Variants in ADGRV1 observed in about 807,000 individuals in gnomAD.
The protein encoded by ADGRV1 is G-protein coupled receptor 98.
Under a neutral mutation model 596.2 loss-of-function variants are expected in ADGRV1, and 359 were observed. The ratio of observed to expected loss-of-function variants is 0.60; its 90% CI spans 0.55 to 0.66. The LOEUF is 0.66. Among genes scored for constraint, ADGRV1 ranks in the 30% least tolerant of loss-of-function variants. The pLI is 0.00. For synonymous variants in ADGRV1, 2,681 were observed against 2,679.2 expected (o/e 1.00, Z -0.02); for missense variants, 7,274 against 7,575.6 (o/e 0.96, Z 1.48).
chr5:90,729,137 A>G (rs564559424), intron 49 of ADGRV1, among the ~76,000 whole-genome samples: 1 of 152,324 alleles, frequency 6.6e-6, no homozygotes, highest in African/African-American at 2.4e-5. Context: ...TGTTCTGACT[A>G]CTACCTGAAA....
chr5:90,595,201 C>A (rs1420345961), intron 1 of ADGRV1, among the ~76,000 whole-genome samples: 1 of 63,714 alleles, frequency 1.6e-5, no homozygotes, highest in Admixed American at 1.1e-4. Flanking sequence ...GGCGGCTGGC[C>A]GGGCGGGGGG....
At chr5:90,904,524 C>T (rs559914986) in intron 83 of ADGRV1, among the ~76,000 whole-genome samples, 14 of 152,048 alleles carry the variant, frequency 9.2e-5, no homozygotes, top group Non-Finnish European at 2.1e-4. Flanking sequence ...TGATATTGAG[C>T]ACCTTTTCAT....
At chr5:90,663,963 T>C (rs1770851512) in intron 21 of ADGRV1, among the ~76,000 whole-genome samples, 1 of 148,410 alleles carries the variant, frequency 6.7e-6, no homozygotes, top group East Asian at 2.0e-4. Context: ...TTCTGTTCCA[T>C]TGATCTATAT....
intron 84 of ADGRV1, among the ~76,000 whole-genome samples, chr5:90,971,853 A>G (rs1371882689): frequency 3.9e-5 from 6 of 152,254 alleles, no homozygotes; most frequent in African/African-American, 1.4e-4. Context: ...ACATAACAAT[A>G]TTAACCTTAA....
At chr5:90,735,195 G>T (rs1354736835) in intron 50 of ADGRV1, among the ~76,000 whole-genome samples, 1 of 152,124 alleles carries the variant, frequency 6.6e-6, no homozygotes, top group African/African-American at 2.4e-5. Context: ...TATGTATTTG[G>T]TATGAAATAA....
intron 89 of ADGRV1, among the ~76,000 whole-genome samples, chr5:91,161,728 A>T (rs1398848329): frequency 6.6e-6 from 1 of 151,944 alleles, no homozygotes; most frequent in Non-Finnish European, 1.5e-5. Flanking sequence ...TTATCATCAA[A>T]ACCTGGGCAG....
At chr5:90,563,474 G>T (rs1580274036) in intron 1 of ADGRV1, among the ~76,000 whole-genome samples, 1 of 152,200 alleles carries the variant, frequency 6.6e-6, no homozygotes, top group Non-Finnish European at 1.5e-5. Flanking sequence ...GCAAATAAGG[G>T]GATGACTGTA....
intron 85 of ADGRV1, among the ~76,000 whole-genome samples, chr5:91,056,736 C>T (rs1022690244): frequency 6.6e-6 from 1 of 152,114 alleles, no homozygotes. Flanking sequence ...TCAAGGCTGT[C>T]GTCTCCTTTG....
At chr5:90,648,718 T>C (rs1191105191) in intron 17 of ADGRV1, among the ~76,000 whole-genome samples, 1 of 152,230 alleles carries the variant, frequency 6.6e-6, no homozygotes, top group Non-Finnish European at 1.5e-5. Flanking sequence ...TTTCTCCTTT[T>C]GTCTTTCTCT....
intron 78 of ADGRV1, among the ~76,000 whole-genome samples, chr5:90,844,653 T>A (rs1251210777): frequency 6.6e-6 from 1 of 152,222 alleles, no homozygotes; most frequent in African/African-American, 2.4e-5. Context: ...TTTGTCGTTA[T>A]CAAAGCTTGG....
At chr5:90,831,683 T>G (rs1447367429) in intron 77 of ADGRV1, among the ~76,000 whole-genome samples, 1 of 152,144 alleles carries the variant, frequency 6.6e-6, no homozygotes, top group African/African-American at 2.4e-5. Flanking sequence ...TTTTTTGTAC[T>G]CATTAACCAT....
chr5:90,855,211 TA>T lies in ADGRV1; in HGVS notation c.17595-527del, dbSNP rs539064317. The stretch of plus-strand genomic sequence containing the variant: ...TTTCTGCTAAATTAGCCAGAATTCA[TA>T]AAGGAAACACTTTTAAGAACCTTAG... On this transcript the variant is annotated intron_variant, in intron 81 of 89. Coordinates refer to ENST00000405460, the MANE Select transcript of ADGRV1 (RefSeq NM_032119.4). Among the ~76,000 whole-genome samples, 43 of 152,240 alleles carry T rather than the reference TA, an allele frequency of 2.8e-4. No individual in the cohort carries two copies. In the East Asian group the frequency reaches 7.9e-3, roughly 28 times the overall value.
chr5:90,614,895 T>A lies in ADGRV1; in HGVS notation c.83T>A (p.Phe28Tyr). 1 of 1,610,000 alleles carries A rather than the reference T, an allele frequency of 6.2e-7. No homozygotes were observed. The highest frequency in any genetic ancestry group is 1.1e-5 in the South Asian group (1 of 90,520). Residue 28 changes from phenylalanine (F) to tyrosine (Y), a missense_variant, in exon 2 of 90, where the codon TTT becomes TAT. Phe to Tyr is a conservative substitution (Grantham distance 22, BLOSUM62 3). Transcript: ENST00000405460. ...LLSALLILFV[F>Y]GETEIRFTGQ... ...TCAGCTTTACTCATCCTATTTGTGT[T>A]TGGAGAAACAGAAATAAGATTTACT...
At chr5:90,687,471 C>G (rs1469570544) in intron 29 of ADGRV1, among the ~76,000 whole-genome samples, 1 of 152,064 alleles carries the variant, frequency 6.6e-6, no homozygotes, top group Non-Finnish European at 1.5e-5. Flanking sequence ...TGGAAGCATT[C>G]CCTTTGAAAA....
chr5:91,052,544 C>T (rs1398139982), intron 85 of ADGRV1, among the ~76,000 whole-genome samples: 3 of 151,758 alleles, frequency 2.0e-5, no homozygotes, highest in East Asian at 1.9e-4. Context: ...AAATGATTAT[C>T]GTGCCTCAGC....
chr5:91,027,801 G>A (rs930713642), intron 85 of ADGRV1, among the ~76,000 whole-genome samples: 1 of 152,148 alleles, frequency 6.6e-6, no homozygotes, highest in South Asian at 2.1e-4. Flanking sequence ...GCTTTTTCCT[G>A]TGTTGTACAA....
intron 89 of ADGRV1, among the ~76,000 whole-genome samples, chr5:91,155,419 G>T (rs1796397695): frequency 6.6e-6 from 1 of 152,132 alleles, no homozygotes; most frequent in Admixed American, 6.5e-5. Context: ...CAGAAGGCAG[G>T]CCTGACAGGT....
intron 29 of ADGRV1, among the ~76,000 whole-genome samples, chr5:90,688,214 C>T (rs1035688058): frequency 3.9e-5 from 6 of 152,120 alleles, no homozygotes; most frequent in Non-Finnish European, 7.3e-5. Flanking sequence ...ATCAATGGAA[C>T]AGAACAGAGC....
chr5:90,905,778 G>A (rs1165870283), intron 83 of ADGRV1, among the ~76,000 whole-genome samples: 1 of 152,040 alleles, frequency 6.6e-6, no homozygotes, highest in African/African-American at 2.4e-5. Flanking sequence ...TTGAATAATG[G>A]TAGTGAAAGT....
Sources: allele counts gnomAD v4.1 joint callset (sites outside exome capture counted in the v4.1 genomes callset), GRCh38; gene constraint gnomAD v4.1.1; transcripts MANE v1.5; gene names NCBI Gene and HGNC (gene_info 2026-07-23, HGNC 2026-07-21).